KLF13: variants seen among roughly 807,000 people sequenced by gnomAD.
KLF13 encodes Krueppel-like factor 13.
Under a neutral mutation model 16.7 loss-of-function variants are expected in KLF13, and 8 were observed. That is an observed-to-expected ratio of 0.48 (90% CI 0.28 to 0.87). The LOEUF (loss-of-function observed/expected upper bound fraction) is 0.87. Among genes scored for constraint, KLF13 ranks in the 40% least tolerant of loss-of-function variants. The pLI is 0.10. For synonymous variants in KLF13, 245 were observed against 208.4 expected (o/e 1.18, Z -1.51); for missense variants, 447 against 452.2 (o/e 0.99, Z 0.10).
rs1238952891 is a variant in KLF13 at position 31,327,257 on chromosome 15, C to A, written c.45C>A (p.Leu15=). The change falls in exon 1 of 2, where the codon CTC becomes CTA. Residue 15 remains leucine (L), a synonymous_variant. Transcript: ENST00000307145. ...TGGACCACTTCGCCGCCGAGTGCCT[C>A]GTGTCCATGTCGAGCCGCGCGGTCG... ...AYVDHFAAEC[L]VSMSSRAVVH... 2.2e-6 allele frequency: 3 copies of A among 1,376,418 alleles called. No homozygotes were observed. Among genetic ancestry groups the A allele is most frequent in the Non-Finnish European group, 2.8e-6 (3 of 1,063,200 alleles). 85.3% of individuals were successfully genotyped at this position (1,376,418 alleles called of 1,614,324 possible).
intron 2 of KLF13, among the ~76,000 whole-genome samples, chr15:31,394,066 G>A (rs2039916806): frequency 6.6e-6 from 1 of 152,170 alleles, no homozygotes; most frequent in African/African-American, 2.4e-5. Context: ...ACAGAGAAGC[G>A]CTGTGCACTG....
intron 1 of KLF13, among the ~76,000 whole-genome samples, chr15:31,416,817 T>G (rs935605235): frequency 6.6e-6 from 1 of 152,170 alleles, no homozygotes; most frequent in African/African-American, 2.4e-5. Context: ...TTTCATTAAC[T>G]TGTGTGTTGC....
intron 1 of KLF13, among the ~76,000 whole-genome samples, chr15:31,412,628 G>A (rs376615781): frequency 6.6e-6 from 1 of 152,112 alleles, no homozygotes; most frequent in Non-Finnish European, 1.5e-5. Context: ...AGAGGAGGAG[G>A]AACTTCTACA....
chr15:31,353,807 C>G (rs184104646), intron 1 of KLF13, among the ~76,000 whole-genome samples: 44 of 152,294 alleles, frequency 2.9e-4, no homozygotes, highest in African/African-American at 1.1e-3. Flanking sequence ...AGGCAACCCC[C>G]ACACCCTTCC....
intron 1 of KLF13, chr15:31,420,590 T>C (rs1206182865): frequency 1.6e-5 from 7 of 445,728 alleles, no homozygotes; most frequent in Non-Finnish European, 2.5e-5. Flanking sequence ...TGCTGTTGAG[T>C]TCTGGAAAAA....
intron 1 of KLF13, among the ~76,000 whole-genome samples, chr15:31,354,080 T>C (rs1314684979): frequency 1.3e-5 from 2 of 152,238 alleles, no homozygotes; most frequent in Non-Finnish European, 2.9e-5. Context: ...GCCTCAGGCC[T>C]ATCCAATCCC....
intron 1 of KLF13, among the ~76,000 whole-genome samples, chr15:31,355,499 C>A (rs1338347231): frequency 6.6e-6 from 1 of 152,148 alleles, no homozygotes; most frequent in Non-Finnish European, 1.5e-5. Flanking sequence ...AAGCAGGTCA[C>A]CCCCACCATC....
intron 2 of KLF13, among the ~76,000 whole-genome samples, chr15:31,395,947 C>T (rs2039946392): frequency 6.6e-6 from 1 of 152,216 alleles, no homozygotes; most frequent in East Asian, 1.9e-4. Flanking sequence ...ACTGGACATT[C>T]ACCAGCTTTT....
At chr15:31,413,648 A>G (rs1204825569) in intron 1 of KLF13, among the ~76,000 whole-genome samples, 18 of 152,226 alleles carry the variant, frequency 1.2e-4, no homozygotes, top group Admixed American at 1.2e-3. Flanking sequence ...GGCAAAATAA[A>G]GAAATGCTTA....
chr15:31,362,445 G>A (rs1410065361), intron 1 of KLF13, among the ~76,000 whole-genome samples: 1 of 152,160 alleles, frequency 6.6e-6, no homozygotes, highest in African/African-American at 2.4e-5. Flanking sequence ...AATCTGCCTG[G>A]GCGACCATTG....
intron 1 of KLF13, among the ~76,000 whole-genome samples, chr15:31,335,404 C>T (rs73381275): frequency 4.5e-4 from 64 of 141,270 alleles, no homozygotes; most frequent in African/African-American, 1.5e-3. Flanking sequence ...GCTGTGATCG[C>T]CATTTGCTGT....
intron 1 of KLF13, among the ~76,000 whole-genome samples, chr15:31,413,868 C>T (rs998323531): frequency 1.3e-5 from 2 of 152,110 alleles, no homozygotes; most frequent in African/African-American, 4.8e-5. Flanking sequence ...TCTCTTTTGT[C>T]TCATACTTAT....
At chr15:31,362,907 G>T (rs1241105966) in intron 1 of KLF13, among the ~76,000 whole-genome samples, 1 of 152,162 alleles carries the variant, frequency 6.6e-6, no homozygotes, top group Non-Finnish European at 1.5e-5. Flanking sequence ...ATAGTGTTCT[G>T]TTATATGTGC....
chr15:31,420,514 G>T, intron 1 of KLF13: 1 of 596,056 alleles, frequency 1.7e-6, no homozygotes, highest in South Asian at 1.5e-5. Flanking sequence ...ATGGCATCAG[G>T]ACCATTCTGG....
downstream of KLF13, among the ~76,000 whole-genome samples, chr15:31,405,213 C>G (rs781424680): frequency 2.6e-5 from 4 of 152,136 alleles, no homozygotes; most frequent in Admixed American, 6.5e-5. Flanking sequence ...ACTCTGGAGG[C>G]TGAGGCAGGA....
chr15:31,394,135 A>G (rs1343569667), intron 2 of KLF13, among the ~76,000 whole-genome samples: 1 of 152,074 alleles, frequency 6.6e-6, no homozygotes, highest in African/African-American at 2.4e-5. Context: ...AAAAAAAAGG[A>G]AGGTGCCAAG....
At chr15:31,333,216 TAAGG>T (rs1433560752) in intron 1 of KLF13, among the ~76,000 whole-genome samples, 1 of 152,142 alleles carries the variant, frequency 6.6e-6, no homozygotes, top group African/African-American at 2.4e-5. Flanking sequence ...AAATTTCAAA[TAAGG>T]AAGCTAAGGC....
chr15:31,418,651 G>A (rs1486436381), intron 1 of KLF13, among the ~76,000 whole-genome samples: 2 of 151,964 alleles, frequency 1.3e-5, no homozygotes, highest in Non-Finnish European at 2.9e-5. Context: ...GCTAATTACA[G>A]AAACAAACAC....
At chr15:31,405,801 C>T (rs1307819477), downstream of KLF13, among the ~76,000 whole-genome samples, 3 of 152,086 alleles carry the variant, frequency 2.0e-5, no homozygotes, top group Non-Finnish European at 2.9e-5. Context: ...ATGCATAAGT[C>T]TTATCTTTCA....
Sources: allele counts gnomAD v4.1 joint callset (sites outside exome capture counted in the v4.1 genomes callset), GRCh38; gene constraint gnomAD v4.1.1; transcripts MANE v1.5; gene names NCBI Gene and HGNC (gene_info 2026-07-23, HGNC 2026-07-21).